DCLK3: variants seen among roughly 807,000 people sequenced by gnomAD.
DCLK3 encodes doublecortin like kinase 3.
Under a neutral mutation model 46.4 loss-of-function variants are expected in DCLK3, and 30 were observed. The observed-to-expected ratio is 0.65, with a 90% confidence interval of 0.48 to 0.88. DCLK3 has a LOEUF of 0.88. Ranked by LOEUF, DCLK3 falls within the 40% of genes least tolerant of loss-of-function variation. DCLK3 has a pLI of 0.00. For synonymous variants in DCLK3, 401 were observed against 339.2 expected (o/e 1.18, Z -2.00); for missense variants, 846 against 907.1 (o/e 0.93, Z 0.87).
At chr3:36,749,421 G>A (rs1488941397) in intron 1 of DCLK3, among the ~76,000 whole-genome samples, 1 of 152,168 alleles carries the variant, frequency 6.6e-6, no homozygotes, top group East Asian at 1.9e-4. Context: ...AAACACACTA[G>A]GCTAGACAGA....
chr3:36,738,582 C>T lies in DCLK3; in HGVS notation c.585G>A (p.Leu195=). Residue 195 remains leucine, a synonymous_variant, in exon 2 of 5, where the codon CTG becomes CTA. Coordinates refer to ENST00000636136, the MANE Select transcript of DCLK3 (RefSeq NM_001394672.2). ...GGGCACGGCTGTGCTGGGCCAGTGT[C>T]AGGGCCCGGGCTTTGTTGGGGTACA... is the stretch of plus-strand genomic sequence containing the variant. The part of the protein sequence containing the change: ...EELYPNKARA[L]TLAQHSRAPS... 1.4e-6 allele frequency: 2 copies of T among 1,423,768 alleles called. No individual in the cohort carries two copies. Among genetic ancestry groups the T allele is most frequent in the Non-Finnish European group, 1.8e-6 (2 of 1,086,718 alleles). The allele number at this position is 1,423,768 out of a possible 1,614,324, so 88.2% of individuals were successfully genotyped here.
intron 1 of DCLK3, among the ~76,000 whole-genome samples, chr3:36,759,715 T>C (rs1438652973): frequency 6.6e-6 from 1 of 152,126 alleles, no homozygotes; most frequent in African/African-American, 2.4e-5. Context: ...CACATGCTGT[T>C]CCTCAGTCTT....
At chr3:36,721,366 C>T (rs555378558) in intron 3 of DCLK3, among the ~76,000 whole-genome samples, 161 bp downstream of exon 3, 77 of 152,304 alleles carry the variant, frequency 5.1e-4, no homozygotes, top group Non-Finnish European at 8.4e-4. Context: ...AGCTCTCATG[C>T]TTTGGTCAAG....
chr3:36,763,369 G>C (rs1288760238), intron 1 of DCLK3, among the ~76,000 whole-genome samples: 1 of 152,214 alleles, frequency 6.6e-6, no homozygotes, highest in Non-Finnish European at 1.5e-5. Context: ...GTCCCCAGAC[G>C]CCTCTGCCAA....
chr3:36,713,271 AC>A lies in DCLK3; in HGVS notation c.*2056del, dbSNP rs923227521. 7.7e-4 allele frequency: 118 copies of A among 152,362 alleles called. No individual in the cohort carries two copies. Among genetic ancestry groups the A allele is most frequent in the African/African-American group, 2.6e-3 (110 of 41,590 alleles). The allele number at this position is 152,362 out of a possible 1,614,324, so 9.4% of individuals were successfully genotyped here. On this transcript the variant is annotated 3_prime_UTR_variant, in exon 5 of 5. Coordinates refer to ENST00000636136, the MANE Select transcript of DCLK3 (RefSeq NM_001394672.2). ...ATCCAAAGGTATAGGAGAAAAAAAA[AC>A]CAGAAAAATGTGACATCATGGTAGT...
At chr3:36,723,426 C>T (rs1378583845) in intron 2 of DCLK3, among the ~76,000 whole-genome samples, 1 of 152,102 alleles carries the variant, frequency 6.6e-6, no homozygotes, top group Non-Finnish European at 1.5e-5. Context: ...TAATGAGGAC[C>T]CAAATGTTAA....
At chr3:36,724,439 C>A (rs544476526) in intron 2 of DCLK3, among the ~76,000 whole-genome samples, 4 of 152,254 alleles carry the variant, frequency 2.6e-5, no homozygotes, top group African/African-American at 9.6e-5. Flanking sequence ...GGGGCCAGGG[C>A]AGAATGATAT....
Position 36,738,370 on chromosome 3 carries a change from C to A in DCLK3, c.797G>T (p.Arg266Met). 6.7e-7 allele frequency: 1 copy of A among 1,500,438 alleles called. No individual in the cohort carries two copies. Among genetic ancestry groups the A allele is most frequent in the Non-Finnish European group, 8.9e-7 (1 of 1,127,990 alleles). The allele number at this position is 1,500,438 out of a possible 1,614,324, so 92.9% of individuals were successfully genotyped here. The change falls in exon 2 of 5, where the codon AGG becomes ATG. Residue 266 changes from arginine to methionine, a missense_variant. Arg to Met is a moderately conservative substitution (Grantham distance 91). This residue lies in a region of DCLK3 where 553 missense variants were observed against 543.0 expected (regional missense o/e 1.02). Transcript: ENST00000636136. ...DRARTQKKWG[R>M]GKWEPEPSSK... ...ACTGGGTTCTGGCTCCCATTTCCCC[C>A]TCCCCCACTTCTTCTGGGTCCTCGC...
intron 3 of DCLK3, among the ~76,000 whole-genome samples, chr3:36,720,155 T>C (rs1231122145): frequency 1.3e-5 from 2 of 152,200 alleles, no homozygotes; most frequent in Non-Finnish European, 2.9e-5. Flanking sequence ...CTCACTCAGG[T>C]AGTTCACTTA....
Position 36,721,615 on chromosome 3 carries a change from A to G in DCLK3, c.2004T>C (p.Asp668=). 6.2e-7 allele frequency: 1 copy of G among 1,614,184 alleles called. No homozygotes were observed. Among genetic ancestry groups the G allele is most frequent in the Non-Finnish European group, 8.5e-7 (1 of 1,180,036 alleles). ...EDKSTTLKLA[D]FGLAKHVVRP... is the part of the protein sequence containing the mutation. ...TCACCACATGCTTTGCAAGTCCAAA[A>G]TCAGCCAATTTCAAGGTAGTAGATT... Residue 668 remains aspartate, a synonymous_variant, in exon 3 of 5, where the codon GAT becomes GAC. Coordinates refer to ENST00000636136, the MANE Select transcript of DCLK3 (RefSeq NM_001394672.2).
Position 36,714,928 on chromosome 3 carries a change from G to T in DCLK3, c.*400C>A. On this transcript the variant is annotated 3_prime_UTR_variant, in exon 5 of 5. Transcript: ENST00000636136. Reference sequence around the variant, plus strand: ...GTAATCAGAATACAGGCCCACTTCTGTTATTCAGAGCACATTTTATTAACA... The same window carrying T: ...GTAATCAGAATACAGGCCCACTTCTTTTATTCAGAGCACATTTTATTAACA... 1.2e-5 allele frequency: 2 copies of T among 170,174 alleles called. No individual in the cohort carries two copies. Among genetic ancestry groups the T allele is most frequent in the Non-Finnish European group, 2.5e-5 (2 of 78,958 alleles). The allele number at this position is 170,174 out of a possible 1,614,324, so 10.5% of individuals were successfully genotyped here.
In DCLK3 at chr3:36,738,265, G is replaced by A. The variant is rs1255146684; in HGVS notation, c.902C>T (p.Thr301Ile). The change falls in exon 2 of 5, where the codon ACC (threonine) becomes ATC (isoleucine). Residue 301 changes from threonine to isoleucine, a missense_variant. By Grantham distance (89) the Thr-to-Ile change is moderately conservative. Around this residue, in one of 3 missense-constraint regions of DCLK3, gnomAD observed 553 missense variants for 543.0 expected, o/e 1.02. Transcript: ENST00000636136. ...EKHLGVEIEK[T>I]SGEIIRCEKC... ...CTCGCATCTGATAATTTCACCCGAG[G>A]TCTTTTCAATCTCCACCCCAAGATG... 5 of 1,547,880 alleles carry A rather than the reference G, an allele frequency of 3.2e-6. No individual in the cohort carries two copies. The South Asian group carries it at 5.1e-5, about 16-fold the overall frequency.
intron 1 of DCLK3, among the ~76,000 whole-genome samples, chr3:36,748,854 C>A (rs1202902351): frequency 6.6e-6 from 1 of 152,092 alleles, no homozygotes; most frequent in African/African-American, 2.4e-5. Flanking sequence ...TTTCCTTTTC[C>A]AACAGGATTC....
chr3:36,733,320 C>T (rs965351851), intron 2 of DCLK3, among the ~76,000 whole-genome samples: 2 of 152,186 alleles, frequency 1.3e-5, no homozygotes, highest in African/African-American at 2.4e-5. Context: ...TCATTCCTTT[C>T]CACTCTGTTT....
At chr3:36,723,399 G>T (rs1361241314) in intron 2 of DCLK3, among the ~76,000 whole-genome samples, 2 of 152,236 alleles carry the variant, frequency 1.3e-5, no homozygotes. Context: ...AAAGCCGGCT[G>T]CAGAAATTTG....
At chr3:36,722,301 G>T (rs1701070784) in intron 2 of DCLK3, among the ~76,000 whole-genome samples, 1 of 152,184 alleles carries the variant, frequency 6.6e-6, no homozygotes, top group African/African-American at 2.4e-5. Context: ...AAAACAGGGT[G>T]ACTATAGTCA....
At chr3:36,753,188 GT>G (rs1002422795) in intron 1 of DCLK3, among the ~76,000 whole-genome samples, 2 of 152,156 alleles carry the variant, frequency 1.3e-5, no homozygotes, top group African/African-American at 4.8e-5. Context: ...ACTGCTGAGA[GT>G]TTTTTGACAG....
chr3:36,721,925 A>T (rs995997389), intron 2 of DCLK3, among the ~76,000 whole-genome samples: 1 of 152,224 alleles, frequency 6.6e-6, no homozygotes, highest in East Asian at 1.9e-4. Context: ...TTATTAAGTA[A>T]AATTAAATTT....
In DCLK3 at chr3:36,759,269, T is replaced by G. The variant is rs1183464672; in HGVS notation, c.82+4913A>C. Among the ~76,000 whole-genome samples the G allele has an allele frequency of 2.6e-5, 4 of 152,068 alleles. No individual in the cohort carries two copies. The East Asian group carries it at 5.8e-4, about 22-fold the overall frequency. On this transcript the variant is annotated intron_variant, in intron 1 of 4. Coordinates refer to ENST00000636136, the MANE Select transcript of DCLK3 (RefSeq NM_001394672.2). ...ACTTTTTCTTCCATCCCAGCCGCCA[T>G]CCCCTATTTCCCAGCCCCCTGCGCC... is the stretch of plus-strand genomic sequence containing the variant.
Sources: allele counts gnomAD v4.1 joint callset (sites outside exome capture counted in the v4.1 genomes callset), GRCh38; gene constraint gnomAD v4.1.1; regional missense constraint gnomAD v4.1.1; transcripts MANE v1.5; gene names NCBI Gene and HGNC (gene_info 2026-07-23, HGNC 2026-07-21).